TENM2: variants seen among roughly 807,000 people sequenced by gnomAD.
TENM2 encodes the protein teneurin-2.
TENM2 carries 52 observed loss-of-function variants against 245.2 expected under a neutral mutation model. That is an observed-to-expected ratio of 0.21 (90% CI 0.17 to 0.27). TENM2 has a LOEUF of 0.27. TENM2 is among the 10% of genes least tolerant of loss of function. TENM2 has a pLI of 1.00. For synonymous variants in TENM2, 1,363 were observed against 1,438.9 expected (o/e 0.95, Z 1.19); for missense variants, 3,046 against 3,666.8 (o/e 0.83, Z 4.37).
At chr5:168,240,927 G>A (rs1436924228) in intron 25 of TENM2, 2 of 152,140 alleles carry the variant, frequency 1.3e-5, no homozygotes, top group Non-Finnish European at 2.9e-5. Flanking sequence ...AATGATGGTG[G>A]CCTTCCGCAG....
At chr5:167,649,504 A>C (rs1780193432) in intron 2 of TENM2, among the ~76,000 whole-genome samples, 1 of 152,174 alleles carries the variant, frequency 6.6e-6, no homozygotes, top group Admixed American at 6.6e-5. Flanking sequence ...GATAATTTTC[A>C]GTGCTCAGAA....
At chr5:168,012,660 A>G (rs1203106764) in intron 5 of TENM2, among the ~76,000 whole-genome samples, 1 of 148,248 alleles carries the variant, frequency 6.7e-6, no homozygotes, top group African/African-American at 2.5e-5. Context: ...AAAAAAAAAA[A>G]CAAAAAAAAA....
At chr5:167,969,012 T>C (rs941012417) in intron 4 of TENM2, among the ~76,000 whole-genome samples, 6 of 152,230 alleles carry the variant, frequency 3.9e-5, no homozygotes, top group Non-Finnish European at 8.8e-5. Context: ...TTTTCACTTC[T>C]TGGAAACCAC....
At chr5:168,191,572 G>A (rs954775360) in intron 14 of TENM2, among the ~76,000 whole-genome samples, 7 of 152,136 alleles carry the variant, frequency 4.6e-5, no homozygotes, top group Admixed American at 1.3e-4. Context: ...CTAGATACTA[G>A]GAACTTGGGT....
intron 4 of TENM2, among the ~76,000 whole-genome samples, chr5:167,983,899 C>T (rs2151977008): frequency 6.6e-6 from 1 of 152,312 alleles, no homozygotes; most frequent in African/African-American, 2.4e-5. Context: ...TTTAAATCAG[C>T]TGGGCACTAT....
At chr5:167,318,442 T>C (rs894455974) in intron 1 of TENM2, among the ~76,000 whole-genome samples, 1 of 151,978 alleles carries the variant, frequency 6.6e-6, no homozygotes, top group Admixed American at 6.6e-5. Flanking sequence ...TTTTTTTTTT[T>C]ACACAATTAC....
chr5:167,788,007 T>C (rs1273728754), intron 2 of TENM2, among the ~76,000 whole-genome samples: 1 of 152,252 alleles, frequency 6.6e-6, no homozygotes, highest in African/African-American at 2.4e-5. Flanking sequence ...AAGTTTTTGC[T>C]TAATTCTTTT....
At chr5:168,072,930 G>A (rs114040252) in intron 7 of TENM2, among the ~76,000 whole-genome samples, 1,905 of 152,220 alleles carry the variant, frequency 0.013, 26 homozygotes, top group Non-Finnish European at 0.016. Context: ...GCTGGTTGTC[G>A]AGACTCTAGT....
intron 22 of TENM2, among the ~76,000 whole-genome samples, chr5:168,217,336 C>A (rs879266855): frequency 6.6e-6 from 1 of 152,162 alleles, no homozygotes; most frequent in Non-Finnish European, 1.5e-5. Flanking sequence ...TTACTTTGTG[C>A]AGTAGTAACT....
exon 18 of TENM2, chr5:168,203,813 C>T (rs765506437): frequency 1.2e-6 from 2 of 1,612,090 alleles, no homozygotes; most frequent in African/African-American, 2.7e-5. Context: ...ACAAACACCA[C>T]ATCCTCAATG....
intron 4 of TENM2, among the ~76,000 whole-genome samples, chr5:167,984,098 A>T (rs1317477221): frequency 6.6e-6 from 1 of 152,192 alleles, no homozygotes; most frequent in Non-Finnish European, 1.5e-5. Flanking sequence ...GCCTCCTAGC[A>T]AGGTTAAGTA....
chr5:167,397,585 A>G (rs1171573009), intron 2 of TENM2, among the ~76,000 whole-genome samples: 2 of 152,142 alleles, frequency 1.3e-5, no homozygotes, highest in Non-Finnish European at 2.9e-5. Context: ...GAGATTAATA[A>G]TGTGGTGAAT....
intron 7 of TENM2, among the ~76,000 whole-genome samples, chr5:168,074,228 C>A (rs2152138444): frequency 6.6e-6 from 1 of 152,198 alleles, no homozygotes; most frequent in African/African-American, 2.4e-5. Context: ...CAGAGACATT[C>A]AAAATATACT....
At chr5:168,124,946 C>A (rs368975927) in exon 11 of TENM2, 23 of 1,612,228 alleles carry the variant, frequency 1.4e-5, no homozygotes, top group Non-Finnish European at 1.8e-5. Flanking sequence ...TGTGAGCTGG[C>A]GAGGGTCCAG....
intron 2 of TENM2, among the ~76,000 whole-genome samples, chr5:167,451,809 C>T (rs528934244): frequency 2.0e-5 from 3 of 152,134 alleles, no homozygotes; most frequent in South Asian, 4.2e-4. Flanking sequence ...CCACCACGCC[C>T]GGCTAATTTT....
intron 27 of TENM2, among the ~76,000 whole-genome samples, chr5:168,255,962 T>C (rs1182164834): frequency 6.6e-6 from 1 of 151,664 alleles, no homozygotes; most frequent in Non-Finnish European, 1.5e-5. Context: ...GGCGCCACCA[T>C]GCCATGCTAA....
chr5:167,288,491 G>A (rs891251789), intron 1 of TENM2, among the ~76,000 whole-genome samples: 5 of 151,478 alleles, frequency 3.3e-5, no homozygotes, highest in Non-Finnish European at 7.4e-5. Flanking sequence ...CCTGGGAGGC[G>A]GAGCTTGCAG....
At chr5:167,766,388 G>C (rs556768959) in intron 2 of TENM2, among the ~76,000 whole-genome samples, 2 of 152,150 alleles carry the variant, frequency 1.3e-5, no homozygotes, top group South Asian at 4.1e-4. Flanking sequence ...ATCACACAGG[G>C]CATTGTAGCC....
At chr5:167,413,123 C>T (rs1762992690) in intron 2 of TENM2, among the ~76,000 whole-genome samples, 1 of 152,002 alleles carries the variant, frequency 6.6e-6, no homozygotes, top group Non-Finnish European at 1.5e-5. Flanking sequence ...AAAACCTTTA[C>T]CCTGGTTTAT....
Sources: gnomAD v4.1 joint callset for allele counts (sites outside exome capture counted in the v4.1 genomes callset) on GRCh38, gnomAD v4.1.1 for gene constraint, MANE v1.5 for transcripts, NCBI Gene and HGNC (gene_info 2026-07-23, HGNC 2026-07-21) for gene names.